ITIH2: variants seen among roughly 807,000 people sequenced by gnomAD.
The protein encoded by ITIH2 is inter-alpha-trypsin inhibitor heavy chain 2, also known as inter-alpha-trypsin inhibitor heavy chain H2.
In ITIH2, 103 loss-of-function variants were observed where a neutral mutation model predicts 104.4. The observed-to-expected ratio is 0.99, with a 90% CI of 0.84 to 1.16. The LOEUF (loss-of-function observed/expected upper bound fraction) is 1.16. ITIH2 is among the 50% of genes most tolerant of loss of function. ITIH2 has a pLI of 0.00. For missense variants in ITIH2, 1,108 were observed against 1,162.4 expected, an observed-to-expected ratio of 0.95 and a Z score of 0.68; for synonymous variants, 436 against 435.4, an observed-to-expected ratio of 1.00 and a Z score of -0.02.
chr10:7,718,610 A>G (rs974716699), intron 6 of ITIH2, among the ~76,000 whole-genome samples: 3 of 152,112 alleles, frequency 2.0e-5, no homozygotes, highest in Non-Finnish European at 4.4e-5. Flanking sequence ...TTGGGTGTAC[A>G]GATGATTTCA....
chr10:7,717,219 T>C (rs1834858815), intron 5 of ITIH2, among the ~76,000 whole-genome samples: 1 of 152,214 alleles, frequency 6.6e-6, no homozygotes, highest in African/African-American at 2.4e-5. Flanking sequence ...CCCAAAGTGC[T>C]GGGATTACAG....
intron 16 of ITIH2, among the ~76,000 whole-genome samples, chr10:7,742,816 G>A (rs1379591246): frequency 1.3e-5 from 2 of 152,096 alleles, no homozygotes; most frequent in African/African-American, 4.8e-5. Context: ...TTATATTTGT[G>A]GGTGCATATT....
In ITIH2 at chr10:7,720,965, T is replaced by C; in HGVS notation, c.738+2T>C. 1 of 1,582,046 alleles carries C rather than the reference T, an allele frequency of 6.3e-7. No homozygotes were observed. The highest frequency in any genetic ancestry group is 1.1e-5 in the South Asian group (1 of 90,426). ...GTCATTTCTAAAGGACAACAGAAGG[T>C]ACCCTGAGCCCTGTGTGTTGCCAGG... On this transcript the variant is annotated splice_donor_variant, in intron 7 of 20. Coordinates refer to ENST00000358415, the MANE Select transcript of ITIH2 (RefSeq NM_002216.3). LOFTEE classifies it high-confidence loss of function.
chr10:7,732,589 G>A (rs1157431096), intron 14 of ITIH2, 112 bp downstream of exon 14: 2 of 1,132,478 alleles, frequency 1.8e-6, no homozygotes, highest in African/African-American at 3.1e-5. Flanking sequence ...CAGCACATTA[G>A]CACAGGCTTG....
In ITIH2 at chr10:7,728,292, C is replaced by T. The variant is rs372035702; in HGVS notation, c.1279+464C>T. On this transcript the variant is annotated intron_variant, in intron 11 of 20. Coordinates refer to ENST00000358415, the MANE Select transcript of ITIH2 (RefSeq NM_002216.3). Reference sequence around the variant, plus strand: ...CTGGAGAAATGACTGCTCTCTGACACAACCTTGAAGTTAAACATTTTTCTT... The same window carrying T: ...CTGGAGAAATGACTGCTCTCTGACATAACCTTGAAGTTAAACATTTTTCTT... Among the ~76,000 whole-genome samples the T allele has an allele frequency of 3.2e-4, 49 of 152,330 alleles. 1 individual carries two copies. The South Asian group carries it at 9.3e-3, about 29-fold the overall frequency.
chr10:7,734,876 C>G (rs746783776), intron 14 of ITIH2, 46 bp from the exon 15 acceptor site: 33 of 1,538,824 alleles, frequency 2.1e-5, no homozygotes, highest in Non-Finnish European at 2.8e-5. Flanking sequence ...TGCGCTCCCC[C>G]TCCAATGCAG....
intron 11 of ITIH2, among the ~76,000 whole-genome samples, chr10:7,729,235 C>T (rs757161050): frequency 6.6e-6 from 1 of 152,120 alleles, no homozygotes; most frequent in South Asian, 2.1e-4. Context: ...ATCCCTTGAA[C>T]CCAGGAGGCG....
rs1290298824 is a variant in ITIH2 at position 7,744,122 on chromosome 10, C to T, written c.2250C>T (p.Pro750=). ...GTCAGCTTGTTGGTGCCAAGAAGCC[C>T]AACAATGGAAAACTAAGCACCTATT... is the stretch of plus-strand genomic sequence containing the variant. The part of the protein sequence containing the change: ...VNGQLVGAKK[P]NNGKLSTYFG... Residue 750 remains proline, a synonymous_variant, in exon 18 of 21, where the codon CCC becomes CCT. Transcript: ENST00000358415. The T allele has an allele frequency of 6.2e-7, 1 of 1,613,936 alleles. No individual in the cohort carries two copies. Among genetic ancestry groups the T allele is most frequent in the East Asian group, 2.2e-5 (1 of 44,874 alleles).
In ITIH2 at chr10:7,707,239, T is replaced by G. The variant is rs776769627; in HGVS notation, c.192+6T>G. 3 of 1,593,916 alleles carry G rather than the reference T, an allele frequency of 1.9e-6. No individual in the cohort carries two copies. The East Asian group carries it at 6.7e-5, about 36-fold the overall frequency. On this transcript the variant is annotated splice_donor_region_variant and intron_variant, in intron 3 of 20. Coordinates refer to ENST00000358415, the MANE Select transcript of ITIH2 (RefSeq NM_002216.3). The stretch of plus-strand genomic sequence containing the variant: ...GAGAATCGGAAGAAATGATGGTAAG[T>G]TGACTTGATGTTGTTACAGATTGAA...
intron 11 of ITIH2, among the ~76,000 whole-genome samples, chr10:7,729,061 C>A (rs910263481): frequency 2.0e-5 from 3 of 152,170 alleles, no homozygotes; most frequent in Non-Finnish European, 4.4e-5. Context: ...CACCTGTAAT[C>A]CCAGCACTTT....
intron 2 of ITIH2, among the ~76,000 whole-genome samples, chr10:7,706,661 G>A (rs1160216277): frequency 1.3e-5 from 2 of 152,188 alleles, no homozygotes; most frequent in African/African-American, 4.8e-5. Flanking sequence ...GGAATATGCT[G>A]CTGCAAAAAC....
chr10:7,715,890 A>G (rs1275556515), intron 5 of ITIH2, among the ~76,000 whole-genome samples: 1 of 151,856 alleles, frequency 6.6e-6, no homozygotes, highest in African/African-American at 2.4e-5. Context: ...ATAGGCACCC[A>G]CCACCACACC....
At chr10:7,710,694 A>G (rs1834789297) in intron 4 of ITIH2, among the ~76,000 whole-genome samples, 1 of 152,196 alleles carries the variant, frequency 6.6e-6, no homozygotes, top group African/African-American at 2.4e-5. Context: ...ATAGGCAGAA[A>G]AAGGCATTGT....
intron 17 of ITIH2, among the ~76,000 whole-genome samples, chr10:7,743,464 T>C (rs1190701081): frequency 2.6e-5 from 4 of 152,140 alleles, no homozygotes; most frequent in Non-Finnish European, 5.9e-5. Context: ...CTTGCAGATC[T>C]TGTTGTGATA....
intron 15 of ITIH2, among the ~76,000 whole-genome samples, chr10:7,736,652 A>T (rs1201150807): frequency 6.6e-6 from 1 of 152,218 alleles, no homozygotes; most frequent in Non-Finnish European, 1.5e-5. Flanking sequence ...TAAATAGATT[A>T]TAAATTTGTT....
chr10:7,704,923 G>T (rs953632875), intron 1 of ITIH2, among the ~76,000 whole-genome samples, 185 bp from the exon 2 acceptor site: 1 of 151,280 alleles, frequency 6.6e-6, no homozygotes, highest in Non-Finnish European at 1.5e-5. Flanking sequence ...GCCTGTCAGG[G>T]GGTGGGGGGC....
intron 12 of ITIH2, among the ~76,000 whole-genome samples, chr10:7,730,370 C>A (rs1329775884): frequency 6.6e-6 from 1 of 152,186 alleles, no homozygotes; most frequent in Non-Finnish European, 1.5e-5. Context: ...AGCTGTCCTA[C>A]CCCCTGAACA....
chr10:7,715,206 A>G (rs1414749292), intron 5 of ITIH2, among the ~76,000 whole-genome samples: 1 of 152,116 alleles, frequency 6.6e-6, no homozygotes, highest in African/African-American at 2.4e-5. Flanking sequence ...GCAGATCATG[A>G]GGTCAGGAGA....
chr10:7,709,200 C>T lies in ITIH2; in HGVS notation c.362+9C>T. On this transcript the variant is annotated intron_variant, in intron 4 of 20. Coordinates refer to ENST00000358415, the MANE Select transcript of ITIH2 (RefSeq NM_002216.3). ...ATTTCCAACTTCTCCATGTGAGTAA[C>T]TTCTGTGTAGAGCCAGAAATTGTAG... 1 of 1,612,996 alleles carries T rather than the reference C, an allele frequency of 6.2e-7. No homozygotes were observed. The highest frequency in any genetic ancestry group is 2.2e-5 in the East Asian group (1 of 44,872).
Sources: gnomAD v4.1 joint callset for allele counts (sites outside exome capture counted in the v4.1 genomes callset) on GRCh38, gnomAD v4.1.1 for gene constraint, MANE v1.5 for transcripts, NCBI Gene and HGNC (gene_info 2026-07-23, HGNC 2026-07-21) for gene names.